VAV3: variants seen among roughly 807,000 people sequenced by gnomAD.
VAV3 encodes guanine nucleotide exchange factor VAV3.
VAV3 carries 94 observed loss-of-function variants against 131.2 expected under a neutral mutation model. The ratio of observed to expected loss-of-function variants is 0.72; its 90% confidence interval spans 0.61 to 0.85. The LOEUF is 0.85. Among genes scored for constraint, VAV3 ranks in the 40% least tolerant of loss-of-function variants. The pLI is 0.00. For synonymous variants in VAV3, 349 were observed against 342.0 expected (o/e 1.02, Z -0.22); for missense variants, 939 against 1,002.7 (o/e 0.94, Z 0.86).
intron 15 of VAV3, among the ~76,000 whole-genome samples, chr1:107,735,237 T>G (rs2101988180): frequency 6.6e-6 from 1 of 152,290 alleles, no homozygotes; most frequent in African/African-American, 2.4e-5. Flanking sequence ...TAGCACTAAA[T>G]GCCCACAGGA....
chr1:107,632,415 A>G (rs1654574025), intron 20 of VAV3, among the ~76,000 whole-genome samples: 1 of 152,212 alleles, frequency 6.6e-6, no homozygotes, highest in South Asian at 2.1e-4. Context: ...AAGCTACATA[A>G]TGATTAAATG....
chr1:107,737,413 C>A (rs1259317265), intron 15 of VAV3, among the ~76,000 whole-genome samples: 5 of 152,168 alleles, frequency 3.3e-5, no homozygotes, highest in Admixed American at 3.3e-4. Context: ...TCAGAGTGAA[C>A]AGGCAACCTA....
intron 19 of VAV3, among the ~76,000 whole-genome samples, chr1:107,651,996 C>G (rs4382749): frequency 6.6e-6 from 1 of 151,756 alleles, no homozygotes; most frequent in African/African-American, 2.4e-5. Context: ...CTGTCACAGA[C>G]GAGTGAACCA....
At position 107,675,070 on chromosome 1, in the gene VAV3, G is replaced by A. The variant is rs187305462; in HGVS notation, c.1777+8418C>T. On this transcript the variant is annotated intron_variant, in intron 19 of 26. Transcript: ENST00000370056. ...CTTCGGATGAGATCCAGCCCTGGCC[G>A]ATATCTTAAGTGAAGTATTGTAAGA... 1.8e-3 allele frequency among the ~76,000 whole-genome samples: 280 copies of A among 152,280 alleles called. 1 individual carries two copies. Among genetic ancestry groups the A allele is most frequent in the Non-Finnish European group, 2.9e-3 (196 of 68,028 alleles).
At chr1:107,872,752 G>A (rs1368997811) in intron 2 of VAV3, among the ~76,000 whole-genome samples, 1 of 152,178 alleles carries the variant, frequency 6.6e-6, no homozygotes, top group East Asian at 1.9e-4. Flanking sequence ...CTAGACCTGA[G>A]TTCAAACTGC....
chr1:107,700,477 AGT>A (rs577427990), intron 17 of VAV3, among the ~76,000 whole-genome samples: 499 of 152,192 alleles, frequency 3.3e-3, no homozygotes, highest in African/African-American at 0.012. Context: ...TACAGACCCC[AGT>A]GTGTGTTGTT....
At chr1:107,791,182 A>G (rs941262781) in intron 2 of VAV3, among the ~76,000 whole-genome samples, 2 of 152,146 alleles carry the variant, frequency 1.3e-5, no homozygotes, top group African/African-American at 4.8e-5. Flanking sequence ...GACAAGTTAC[A>G]GTAATGACTT....
intron 20 of VAV3, among the ~76,000 whole-genome samples, chr1:107,639,589 A>G (rs1655181692): frequency 6.6e-6 from 1 of 152,214 alleles, no homozygotes; most frequent in African/African-American, 2.4e-5. Context: ...AACATTATTA[A>G]TGAATTAATG....
intron 1 of VAV3, among the ~76,000 whole-genome samples, chr1:107,925,303 C>T (rs1358052858): frequency 6.6e-6 from 1 of 152,070 alleles, no homozygotes; most frequent in Non-Finnish European, 1.5e-5. Flanking sequence ...TGTGAATATT[C>T]AGTAAGCTGT....
At position 107,818,444 on chromosome 1, in the gene VAV3, GAA is replaced by G. The variant is rs1667652229; in HGVS notation, c.322-38954_322-38953del. ...AGGAATCACACAGACGCAAATTCCGGAAAAGAGGGAAGGAGGGGAAAGGAAAC... is the reference window on the plus strand; with the variant it reads ...AGGAATCACACAGACGCAAATTCCGGAAGAGGGAAGGAGGGGAAAGGAAAC... On this transcript the variant is annotated intron_variant, in intron 2 of 26. Transcript: ENST00000370056. 2.0e-5 allele frequency among the ~76,000 whole-genome samples: 3 copies of G among 151,952 alleles called. No homozygotes were observed. In the South Asian group the frequency reaches 6.3e-4, roughly 32 times the overall value.
intron 2 of VAV3, among the ~76,000 whole-genome samples, chr1:107,787,677 C>A (rs1666083128): frequency 6.6e-6 from 1 of 152,136 alleles, no homozygotes; most frequent in African/African-American, 2.4e-5. Context: ...TTCACTTGCA[C>A]CTTATTCTCT....
intron 2 of VAV3, among the ~76,000 whole-genome samples, chr1:107,780,760 C>A (rs753216982): frequency 5.3e-5 from 8 of 152,286 alleles, no homozygotes; most frequent in South Asian, 4.1e-4. Context: ...AAGTGACCCA[C>A]CTGCCTTGGC....
At chr1:107,629,471 C>T (rs771745767) in intron 20 of VAV3, among the ~76,000 whole-genome samples, 18 of 152,130 alleles carry the variant, frequency 1.2e-4, no homozygotes, top group Non-Finnish European at 1.9e-4. Flanking sequence ...TTGGATGACA[C>T]GATCAGAATT....
At chr1:107,742,279 T>C (rs1366487520) in intron 15 of VAV3, among the ~76,000 whole-genome samples, 1 of 151,986 alleles carries the variant, frequency 6.6e-6, no homozygotes, top group Non-Finnish European at 1.5e-5. Context: ...ACTTACAGAG[T>C]AAAATTTCAA....
chr1:107,913,412 C>A (rs1380605410), intron 1 of VAV3, among the ~76,000 whole-genome samples: 2 of 152,200 alleles, frequency 1.3e-5, no homozygotes, highest in African/African-American at 4.8e-5. Context: ...ATTGAAAGTA[C>A]ACTGCTAATC....
At chr1:107,719,660 A>G (rs187658461) in intron 15 of VAV3, among the ~76,000 whole-genome samples, 1,963 of 152,338 alleles carry the variant, frequency 0.013, 31 homozygotes, top group South Asian at 0.049. Context: ...GCAATTCCTC[A>G]AGGATCTAGA....
At chr1:107,935,937 G>A (rs1278979246) in intron 1 of VAV3, among the ~76,000 whole-genome samples, 1 of 152,174 alleles carries the variant, frequency 6.6e-6, no homozygotes, top group Non-Finnish European at 1.5e-5. Context: ...AGACATCAAA[G>A]AGGTGAAAAT....
At chr1:107,700,667 A>G (rs1660063421) in intron 17 of VAV3, among the ~76,000 whole-genome samples, 1 of 152,170 alleles carries the variant, frequency 6.6e-6, no homozygotes, top group African/African-American at 2.4e-5. Context: ...ATTCTATGAT[A>G]TATGTACCAC....
chr1:107,917,111 A>C (rs1322644600), intron 1 of VAV3, among the ~76,000 whole-genome samples: 1 of 152,144 alleles, frequency 6.6e-6, no homozygotes, highest in Non-Finnish European at 1.5e-5. Context: ...ATGGTTTCTG[A>C]AGAGAAGGAA....
Sources: gnomAD v4.1 joint callset for allele counts (sites outside exome capture counted in the v4.1 genomes callset) on GRCh38, gnomAD v4.1.1 for gene constraint, MANE v1.5 for transcripts, NCBI Gene and HGNC (gene_info 2026-07-23, HGNC 2026-07-21) for gene names.